Variants in TNIP3 observed in about 807,000 individuals in gnomAD.
The protein encoded by TNIP3 is TNFAIP3 interacting protein 3.
TNIP3 carries 34 observed loss-of-function variants against 54.1 expected under a neutral mutation model. The ratio of observed to expected loss-of-function variants is 0.63; its 90% CI spans 0.48 to 0.84. TNIP3 has a LOEUF of 0.84. TNIP3 is among the 40% of genes least tolerant of loss of function. The pLI, the probability that TNIP3 is intolerant of heterozygous loss-of-function variation, is 0.00. For synonymous variants in TNIP3, 134 were observed against 136.8 expected (o/e 0.98, Z 0.14); for missense variants, 366 against 387.6 (o/e 0.94, Z 0.47).
intron 7 of TNIP3, among the ~76,000 whole-genome samples, chr4:121,144,876 T>C (rs1030910118): frequency 6.6e-6 from 1 of 152,206 alleles, no homozygotes; most frequent in African/African-American, 2.4e-5. Context: ...ACTTTGTCAT[T>C]GTACAGATGA....
chr4:121,216,017 T>C (rs1225350397), intron 2 of TNIP3, among the ~76,000 whole-genome samples: 7 of 152,006 alleles, frequency 4.6e-5, no homozygotes, highest in Non-Finnish European at 7.4e-5. Flanking sequence ...CTTCTCACCC[T>C]CCTTCAGGTG....
chr4:121,160,791 C>T (rs1255882951), intron 2 of TNIP3, among the ~76,000 whole-genome samples: 1 of 151,988 alleles, frequency 6.6e-6, no homozygotes, highest in Non-Finnish European at 1.5e-5. Flanking sequence ...AGTTGCAAGG[C>T]ATAAAGGGTA....
rs536376868 is a variant in TNIP3 at position 121,138,686 on chromosome 4, T to C, written c.886-2A>G. The C allele has an allele frequency of 6.2e-7, 1 of 1,613,614 alleles. No individual in the cohort carries two copies. Among genetic ancestry groups the C allele is most frequent in the East Asian group, 2.2e-5 (1 of 44,872 alleles). ...AAGAGCATACCACTGATAGTCTGGC[T>C]GTGTGGAACAATACAACATTATTAT... On this transcript the variant is annotated splice_acceptor_variant, in intron 9 of 10. Transcript: ENST00000057513. LOFTEE classifies it high-confidence loss of function.
chr4:121,142,369 A>G (rs912099021), intron 8 of TNIP3, among the ~76,000 whole-genome samples: 1 of 152,200 alleles, frequency 6.6e-6, no homozygotes, highest in African/African-American at 2.4e-5. Context: ...AGTGCTCAAG[A>G]AGGCATGTTA....
At chr4:121,211,084 T>C (rs1330785545) in intron 2 of TNIP3, among the ~76,000 whole-genome samples, 1 of 152,070 alleles carries the variant, frequency 6.6e-6, no homozygotes, top group Admixed American at 6.6e-5. Context: ...ACAATGAAAA[T>C]AACTGGACTT....
At chr4:121,157,351 G>T in intron 3 of TNIP3, 108 bp from the exon 4 acceptor site, 1 of 1,401,582 alleles carries the variant, frequency 7.1e-7, no homozygotes, top group Non-Finnish European at 9.9e-7. Flanking sequence ...ACCCCAGGAC[G>T]TCCCCTAAGG....
chr4:121,180,724 C>T (rs944247013), intron 3 of TNIP3, among the ~76,000 whole-genome samples: 1 of 152,086 alleles, frequency 6.6e-6, no homozygotes, highest in African/African-American at 2.4e-5. Context: ...ATACAGGAAC[C>T]CCCACACTGT....
chr4:121,136,857 G>GAAAAAAA (rs11338982), intron 10 of TNIP3, among the ~76,000 whole-genome samples: 2 of 58,928 alleles, frequency 3.4e-5, no homozygotes, highest in Non-Finnish European at 3.2e-5. Flanking sequence ...GACTGTCTCC[G>GAAAAAAA]AAAAAAAAAA....
chr4:121,171,514 T>C, intron 3 of TNIP3, among the ~76,000 whole-genome samples: 1 of 152,152 alleles, frequency 6.6e-6, no homozygotes, highest in East Asian at 1.9e-4. Flanking sequence ...GGGAAAAGTC[T>C]GAATCAAGGC....
upstream of TNIP3, among the ~76,000 whole-genome samples, chr4:121,165,601 GA>G (rs1173349304): frequency 6.6e-6 from 1 of 151,798 alleles, no homozygotes; most frequent in Non-Finnish European, 1.5e-5. Context: ...TTTGCTACAT[GA>G]ATAAATGAAT....
intron 2 of TNIP3, among the ~76,000 whole-genome samples, chr4:121,214,247 A>T (rs1468789399): frequency 6.6e-6 from 1 of 152,004 alleles, no homozygotes; most frequent in African/African-American, 2.4e-5. Context: ...TTCCTTCTGC[A>T]CTTCCGGGTA....
At chr4:121,213,690 G>A (rs1726609989) in intron 2 of TNIP3, among the ~76,000 whole-genome samples, 1 of 148,384 alleles carries the variant, frequency 6.7e-6, no homozygotes, top group Non-Finnish European at 1.5e-5. Context: ...TCGTGCCACT[G>A]CACTTCAGCC....
chr4:121,189,467 G>A (rs1043453489), intron 2 of TNIP3, among the ~76,000 whole-genome samples: 4 of 152,130 alleles, frequency 2.6e-5, no homozygotes, highest in Non-Finnish European at 2.9e-5. Flanking sequence ...GCAATTTTCA[G>A]GTTTTAGTTT....
chr4:121,151,581 C>T (rs1045016727), intron 5 of TNIP3, among the ~76,000 whole-genome samples: 2 of 151,290 alleles, frequency 1.3e-5, no homozygotes, highest in African/African-American at 4.9e-5. Flanking sequence ...TAGGAAGTGT[C>T]AGAATAGTTC....
At chr4:121,196,589 A>G (rs1725599695) in intron 2 of TNIP3, among the ~76,000 whole-genome samples, 2 of 152,118 alleles carry the variant, frequency 1.3e-5, no homozygotes, top group Admixed American at 1.3e-4. Context: ...ATTACCTGAG[A>G]TATAAAGTAT....
At chr4:121,186,026 C>G (rs768511649) in intron 2 of TNIP3, among the ~76,000 whole-genome samples, 2 of 152,226 alleles carry the variant, frequency 1.3e-5, no homozygotes, top group African/African-American at 4.8e-5. Flanking sequence ...GGCCCTGCGT[C>G]CTCTCACGTG....
chr4:121,215,475 T>G (rs1726735214), intron 2 of TNIP3, among the ~76,000 whole-genome samples: 1 of 152,184 alleles, frequency 6.6e-6, no homozygotes, highest in African/African-American at 2.4e-5. Context: ...TTTCCTTCTT[T>G]TTACTACACA....
At chr4:121,203,923 A>C (rs970186651) in intron 2 of TNIP3, among the ~76,000 whole-genome samples, 1 of 148,878 alleles carries the variant, frequency 6.7e-6, no homozygotes, top group Non-Finnish European at 1.5e-5. Context: ...ATATATACTA[A>C]TACACAAAAT....
upstream of TNIP3, among the ~76,000 whole-genome samples, chr4:121,220,688 G>T (rs945617610): frequency 5.3e-5 from 8 of 152,184 alleles, no homozygotes; most frequent in East Asian, 1.5e-3. Flanking sequence ...TAAATAGCGT[G>T]GGGGAATAAA....
Sources: gnomAD v4.1 joint callset for allele counts (sites outside exome capture counted in the v4.1 genomes callset) on GRCh38, gnomAD v4.1.1 for gene constraint, MANE v1.5 for transcripts, NCBI Gene and HGNC (gene_info 2026-07-23, HGNC 2026-07-21) for gene names.